KCNK2: variants seen among roughly 807,000 people sequenced by gnomAD.
KCNK2 encodes potassium channel subfamily K member 2.
In KCNK2, 21 loss-of-function variants were observed where a neutral mutation model predicts 40.5. The observed-to-expected ratio is 0.52, with a 90% CI of 0.37 to 0.75. KCNK2 has a LOEUF of 0.75. Among genes scored for constraint, KCNK2 ranks in the 30% least tolerant of loss-of-function variants. The pLI, the probability that KCNK2 is intolerant of heterozygous loss-of-function variation, is 0.00. For synonymous variants in KCNK2, 191 were observed against 202.2 expected (o/e 0.94, Z 0.47); for missense variants, 399 against 531.6 (o/e 0.75, Z 2.45).
chr1:215,076,233 G>A (rs951749706), intron 1 of KCNK2, among the ~76,000 whole-genome samples: 3 of 152,122 alleles, frequency 2.0e-5, no homozygotes, highest in Non-Finnish European at 2.9e-5. Context: ...AAACTTTATA[G>A]TCTGGCTTGG....
At chr1:215,094,276 T>C (rs1659881714) in intron 2 of KCNK2, among the ~76,000 whole-genome samples, 2 of 152,142 alleles carry the variant, frequency 1.3e-5, no homozygotes, top group South Asian at 4.1e-4. Flanking sequence ...AAAAATAGCC[T>C]GCAAAATGTC....
chr1:215,166,492 A>G (rs1364511252), intron 3 of KCNK2, among the ~76,000 whole-genome samples: 1 of 152,136 alleles, frequency 6.6e-6, no homozygotes, highest in Non-Finnish European at 1.5e-5. Context: ...TGCCTCCAGA[A>G]TCAAGCTGTG....
chr1:215,214,568 G>A (rs1305265815), intron 6 of KCNK2, among the ~76,000 whole-genome samples: 4 of 152,160 alleles, frequency 2.6e-5, no homozygotes, highest in South Asian at 2.1e-4. Flanking sequence ...ACCCATGCAT[G>A]TAATCCTAGC....
Position 215,169,434 on chromosome 1 carries a change from T to C in KCNK2, c.636+75T>C. 2.6e-6 allele frequency: 3 copies of C among 1,150,562 alleles called. No homozygotes were observed. The South Asian group carries it at 4.3e-5, about 17-fold the overall frequency. 71.3% of individuals were successfully genotyped at this position (1,150,562 alleles called of 1,614,324 possible). ...AAAAAATTATATCTTTTCTGTCACC[T>C]CAGATACAATTAGACATTCAATTAT... On this transcript the variant is annotated intron_variant, in intron 4 of 6. Transcript: ENST00000444842.
At chr1:215,218,338 G>A (rs1189344563) in intron 6 of KCNK2, among the ~76,000 whole-genome samples, 1 of 152,170 alleles carries the variant, frequency 6.6e-6, no homozygotes, top group Non-Finnish European at 1.5e-5. Flanking sequence ...GAGCTGCTGG[G>A]AAGGGGAATA....
chr1:215,053,275 TG>T (rs1234204275), intron 1 of KCNK2, among the ~76,000 whole-genome samples: 1 of 151,998 alleles, frequency 6.6e-6, no homozygotes, highest in African/African-American at 2.4e-5. Flanking sequence ...GAAATTCTGC[TG>T]GGATAAGAGT....
chr1:215,014,124 T>C (rs551339784), intron 1 of KCNK2, among the ~76,000 whole-genome samples: 2 of 152,180 alleles, frequency 1.3e-5, no homozygotes, highest in South Asian at 4.1e-4. Flanking sequence ...TATAGATGAG[T>C]TTCAGTTTTT....
intron 1 of KCNK2, among the ~76,000 whole-genome samples, chr1:215,035,378 C>T (rs1162857895): frequency 1.3e-5 from 2 of 152,156 alleles, no homozygotes; most frequent in Non-Finnish European, 2.9e-5. Context: ...CAGAATAGTT[C>T]GATCACTCTA....
At position 215,155,579 on chromosome 1, in the gene KCNK2, G is replaced by T. The variant is rs934431322; in HGVS notation, c.476-13620G>T. Reference sequence around the variant, plus strand: ...TCTGTCGCCAGGCTGGAGTGCAGTGGCGCGATCTCGGCTCACTGCAACCTC... The same window carrying T: ...TCTGTCGCCAGGCTGGAGTGCAGTGTCGCGATCTCGGCTCACTGCAACCTC... On this transcript the variant is annotated intron_variant, in intron 3 of 6. Coordinates refer to ENST00000444842, the MANE Select transcript of KCNK2 (RefSeq NM_001017425.3). 2.6e-5 allele frequency among the ~76,000 whole-genome samples: 4 copies of T among 152,094 alleles called. No homozygotes were observed. The East Asian group carries it at 7.7e-4, about 29-fold the overall frequency.
At chr1:215,069,487 C>T (rs143494059) in intron 1 of KCNK2, among the ~76,000 whole-genome samples, 2 of 152,328 alleles carry the variant, frequency 1.3e-5, no homozygotes, top group African/African-American at 2.4e-5. Context: ...TTGGCCTCCT[C>T]CTTTTTGTGT....
Position 215,224,161 on chromosome 1 carries a change from A to G in KCNK2, c.964-10667A>G, listed in dbSNP as rs563071598. Among the ~76,000 whole-genome samples the G allele has an allele frequency of 1.6e-4, 25 of 152,274 alleles. 1 individual carries two copies. The South Asian group carries it at 5.2e-3, about 32-fold the overall frequency. Reference sequence around the variant, plus strand: ...AAAACAGGACTCATGCAACAGCATTATCTAAAATTGGAGAACCTCCTGGGT... The same window carrying G: ...AAAACAGGACTCATGCAACAGCATTGTCTAAAATTGGAGAACCTCCTGGGT... On this transcript the variant is annotated intron_variant, in intron 6 of 6. Transcript: ENST00000444842.
chr1:215,128,703 G>A (rs1324498490), intron 3 of KCNK2, among the ~76,000 whole-genome samples: 1 of 152,130 alleles, frequency 6.6e-6, no homozygotes, highest in Non-Finnish European at 1.5e-5. Flanking sequence ...CCAGTCTGTG[G>A]CATGACTAAG....
At chr1:215,026,658 A>G (rs1036074017) in intron 1 of KCNK2, among the ~76,000 whole-genome samples, 7 of 152,084 alleles carry the variant, frequency 4.6e-5, no homozygotes, top group East Asian at 1.9e-4. Context: ...CAGTATCTTT[A>G]TGGTATATCT....
At chr1:215,178,976 C>T (rs1258186332) in intron 5 of KCNK2, among the ~76,000 whole-genome samples, 2 of 144,988 alleles carry the variant, frequency 1.4e-5, no homozygotes, top group African/African-American at 2.6e-5. Context: ...TAACCTAGTC[C>T]AGGGATTCCT....
chr1:215,076,698 A>G (rs1188340268), intron 1 of KCNK2, among the ~76,000 whole-genome samples: 1 of 152,184 alleles, frequency 6.6e-6, no homozygotes, highest in African/African-American at 2.4e-5. Context: ...TATCAGAAGG[A>G]GTCAGTAAAT....
chr1:215,085,358 A>G (rs192250612), intron 1 of KCNK2, among the ~76,000 whole-genome samples: 12 of 152,252 alleles, frequency 7.9e-5, no homozygotes, highest in South Asian at 2.1e-4. Flanking sequence ...AATGTCCTGT[A>G]GTAGGTGTTT....
At chr1:215,198,986 A>G (rs924345696) in intron 6 of KCNK2, among the ~76,000 whole-genome samples, 2 of 152,168 alleles carry the variant, frequency 1.3e-5, no homozygotes, top group African/African-American at 4.8e-5. Flanking sequence ...CTAGTCATAT[A>G]TGCCCTTATT....
At chr1:215,062,121 G>A (rs1658381497) in intron 1 of KCNK2, among the ~76,000 whole-genome samples, 1 of 152,042 alleles carries the variant, frequency 6.6e-6, no homozygotes, top group African/African-American at 2.4e-5. Context: ...ACCAATACAT[G>A]GCTTTCATTA....
intron 1 of KCNK2, among the ~76,000 whole-genome samples, chr1:215,031,354 T>G (rs1039492929): frequency 2.0e-5 from 3 of 152,226 alleles, no homozygotes; most frequent in African/African-American, 7.2e-5. Flanking sequence ...TTCGTAGCCA[T>G]GAACATGAAA....
Sources: gnomAD v4.1 joint callset for allele counts (sites outside exome capture counted in the v4.1 genomes callset) on GRCh38, gnomAD v4.1.1 for gene constraint, MANE v1.5 for transcripts, NCBI Gene and HGNC (gene_info 2026-07-23, HGNC 2026-07-21) for gene names.